CLNK: variants seen among roughly 807,000 people sequenced by gnomAD.
CLNK encodes cytokine dependent hematopoietic cell linker.
A neutral mutation model predicts 68.6 loss-of-function variants in CLNK; 74 were observed. The ratio of observed to expected loss-of-function variants is 1.08; its 90% CI spans 0.89 to 1.31. The LOEUF is 1.31. Ranked by LOEUF, CLNK falls within the 50% of genes most tolerant of loss-of-function variation. The pLI is 0.00. For missense variants in CLNK, 553 were observed against 515.3 expected, an observed-to-expected ratio of 1.07 and a Z score of -0.71; for synonymous variants, 198 against 172.2, an observed-to-expected ratio of 1.15 and a Z score of -1.17.
At position 10,540,558 on chromosome 4, in the gene CLNK, G is replaced by A. The variant is rs777638921; in HGVS notation, c.538C>T (p.Pro180Ser). Residue 180 changes from proline (P) to serine (S), a missense_variant, in exon 11 of 19, where the codon CCG (proline) becomes TCG (serine). Coordinates refer to ENST00000226951, the MANE Select transcript of CLNK (RefSeq NM_052964.4). ...GATAAAGGTGGCCTGCTGCTCTCCG[G>A]CTCAGGGGGCAAGGGTTGGTACTTC... ...PKKYQPLPPE[P>S]ESSRPPLSQR... The A allele has an allele frequency of 3.1e-6, 5 of 1,613,898 alleles. No individual in the cohort carries two copies. In the Admixed American group the frequency reaches 8.3e-5, roughly 27 times the overall value.
chr4:10,610,049 T>C, intron 2 of CLNK, among the ~76,000 whole-genome samples: 1 of 53,634 alleles, frequency 1.9e-5, no homozygotes, highest in Admixed American at 1.9e-4. Flanking sequence ...TTTTTTTTTT[T>C]TTTTTTTTTT....
At chr4:10,590,819 G>C (rs1721155106) in intron 3 of CLNK, among the ~76,000 whole-genome samples, 1 of 152,058 alleles carries the variant, frequency 6.6e-6, no homozygotes, top group Non-Finnish European at 1.5e-5. Context: ...ATCTGGAACT[G>C]AGCACTGTAC....
chr4:10,654,134 A>G (rs1723862414), intron 2 of CLNK, among the ~76,000 whole-genome samples: 1 of 152,092 alleles, frequency 6.6e-6, no homozygotes, highest in South Asian at 2.1e-4. Flanking sequence ...ACCAGCAAGG[A>G]GAGTGAAAGA....
chr4:10,492,415 C>T (rs1211324117), intron 18 of CLNK, among the ~76,000 whole-genome samples: 1 of 152,128 alleles, frequency 6.6e-6, no homozygotes, highest in Non-Finnish European at 1.5e-5. Flanking sequence ...TGCAAGGCCT[C>T]AGGAATAGCC....
chr4:10,557,117 A>AAATG (rs1553850483), intron 8 of CLNK, among the ~76,000 whole-genome samples: 7 of 151,274 alleles, frequency 4.6e-5, no homozygotes, highest in African/African-American at 1.7e-4. Context: ...ATAAATAAAT[A>AAATG]AATGGAGAAC....
intron 2 of CLNK, among the ~76,000 whole-genome samples, chr4:10,610,771 AAC>A (rs59809551): frequency 0.015 from 2,230 of 144,560 alleles, 32 homozygotes; most frequent in African/African-American, 0.034. Flanking sequence ...ATAAAAAAGC[AAC>A]ACACACACAC....
intron 1 of CLNK, among the ~76,000 whole-genome samples, chr4:10,674,285 A>C (rs1230936335): frequency 1.3e-5 from 2 of 152,164 alleles, no homozygotes; most frequent in African/African-American, 4.8e-5. Context: ...GTCCACAAGG[A>C]GAGGCTGCCT....
intron 17 of CLNK, among the ~76,000 whole-genome samples, chr4:10,503,170 G>A (rs1412982008): frequency 1.3e-5 from 2 of 152,094 alleles, no homozygotes; most frequent in Non-Finnish European, 2.9e-5. Flanking sequence ...AGTGATCTAT[G>A]AAGAATAGAG....
the CLNK span, among the ~76,000 whole-genome samples, chr4:10,709,576 G>T: frequency 6.6e-6 from 1 of 152,102 alleles, no homozygotes; most frequent in Non-Finnish European, 1.5e-5. Context: ...TCTGTAGCCA[G>T]GTTCTTGTAA....
chr4:10,499,648 A>G (rs1716959090), intron 18 of CLNK, among the ~76,000 whole-genome samples: 1 of 152,178 alleles, frequency 6.6e-6, no homozygotes, highest in African/African-American at 2.4e-5. Context: ...ATCCTGTATT[A>G]GTTTGTCAAG....
intron 3 of CLNK, among the ~76,000 whole-genome samples, chr4:10,586,608 C>A (rs553795744): frequency 9.2e-5 from 14 of 152,224 alleles, no homozygotes; most frequent in African/African-American, 2.9e-4. Context: ...CCACCACGCC[C>A]AGCTTGAATC....
chr4:10,619,300 A>G (rs1722340443), intron 2 of CLNK, among the ~76,000 whole-genome samples: 1 of 152,220 alleles, frequency 6.6e-6, no homozygotes, highest in South Asian at 2.1e-4. Context: ...GGCTAGGAAA[A>G]TAAACTCACT....
chr4:10,606,345 G>A (rs1043444236), intron 2 of CLNK, among the ~76,000 whole-genome samples: 27 of 152,016 alleles, frequency 1.8e-4, no homozygotes, highest in South Asian at 2.1e-4. Context: ...GCAATGACAC[G>A]CATGGAGTTG....
At position 10,542,030 on chromosome 4, in the gene CLNK, T is replaced by A. The variant is rs879219187; in HGVS notation, c.483A>T (p.Pro161=). Residue 161 remains proline (P), a synonymous_variant, in exon 10 of 19, where the codon CCA becomes CCT. Coordinates refer to ENST00000226951, the MANE Select transcript of CLNK (RefSeq NM_052964.4). ...ATTTTAAAGTGTTTTACCGAGGAGG[T>A]GGTAAAGGAATCTGAAAAAGAAAAG... The part of the protein sequence containing the change: ...ASVRKNKIPL[P]PPRPLITLPK... 1 of 1,590,362 alleles carries A rather than the reference T, an allele frequency of 6.3e-7. No homozygotes were observed. The highest frequency in any genetic ancestry group is 2.2e-5 in the East Asian group (1 of 44,488).
At chr4:10,592,613 A>G (rs912707220) in intron 3 of CLNK, among the ~76,000 whole-genome samples, 2 of 151,766 alleles carry the variant, frequency 1.3e-5, no homozygotes, top group Non-Finnish European at 2.9e-5. Context: ...GTTATCCACA[A>G]CATAAGAACC....
chr4:10,538,005 T>C (rs1718866768), intron 11 of CLNK, among the ~76,000 whole-genome samples: 1 of 152,002 alleles, frequency 6.6e-6, no homozygotes, highest in South Asian at 2.1e-4. Context: ...TCCAAACTCA[T>C]TGCTACTGGG....
At position 10,563,365 on chromosome 4, in the gene CLNK, G is replaced by A. The variant is rs191238555; in HGVS notation, c.399+1306C>T. On this transcript the variant is annotated intron_variant, in intron 7 of 18. Transcript: ENST00000226951. ...TACAGAGTTTCTGGGATGGTAAATG[G>A]AAACAATTTTTTAGAAAGGAAATTT... Among the ~76,000 whole-genome samples the A allele has an allele frequency of 4.6e-3, 701 of 152,248 alleles. 9 individuals are homozygous for A. Among genetic ancestry groups the A allele is most frequent in the Middle Eastern group, 6.8e-3 (2 of 294 alleles).
At chr4:10,590,912 C>G (rs902400925) in intron 3 of CLNK, among the ~76,000 whole-genome samples, 4 of 152,144 alleles carry the variant, frequency 2.6e-5, no homozygotes, top group Non-Finnish European at 5.9e-5. Flanking sequence ...TAAAATATCA[C>G]TAGTGCCAAA....
chr4:10,532,422 TC>T, intron 11 of CLNK, 139 bp from the exon 12 acceptor site: 2 of 674,706 alleles, frequency 3.0e-6, no homozygotes, highest in Non-Finnish European at 5.1e-6. Flanking sequence ...TATTTATCAC[TC>T]TTCCATAAAA....
Sources: gnomAD v4.1 joint callset for allele counts (sites outside exome capture counted in the v4.1 genomes callset) on GRCh38, gnomAD v4.1.1 for gene constraint, MANE v1.5 for transcripts, NCBI Gene and HGNC (gene_info 2026-07-23, HGNC 2026-07-21) for gene names.